LHFPL6: variants seen among roughly 807,000 people sequenced by gnomAD.
The protein encoded by LHFPL6 is LHFPL tetraspan subfamily member 6.
LHFPL6 carries 9 observed loss-of-function variants against 20.6 expected under a neutral mutation model. The observed-to-expected ratio is 0.44, with a 90% CI of 0.26 to 0.76. The LOEUF is 0.76. Ranked by LOEUF, LHFPL6 falls within the 30% of genes least tolerant of loss-of-function variation. The pLI is 0.20. For missense variants in LHFPL6, 218 were observed against 253.5 expected (o/e 0.86, Z 0.95); for synonymous variants, 105 against 98.7 (o/e 1.06, Z -0.38).
intron 2 of LHFPL6, among the ~76,000 whole-genome samples, chr13:39,508,728 C>T (rs562819310): frequency 1.3e-5 from 2 of 152,242 alleles, no homozygotes; most frequent in African/African-American, 4.8e-5. Context: ...TTTATCAGTT[C>T]ACCTACTGAT....
At chr13:39,356,144 A>C (rs978995251) in intron 3 of LHFPL6, among the ~76,000 whole-genome samples, 1 of 152,216 alleles carries the variant, frequency 6.6e-6, no homozygotes, top group Non-Finnish European at 1.5e-5. Flanking sequence ...GTCTCAATAA[A>C]TTTTTAAAAA....
At chr13:39,345,538 A>AAAAAAAAAAAAAAAAAAAAAAAAC (rs1869377161) in intron 3 of LHFPL6, among the ~76,000 whole-genome samples, 1 of 143,678 alleles carries the variant, frequency 7.0e-6, no homozygotes, top group Non-Finnish European at 1.5e-5. Flanking sequence ...AAAAAAAAAA[A>AAAAAAAAAAAAAAAAAAAAAAAAC]AAGAAAGAAA....
At chr13:39,536,113 T>C (rs574129834) in intron 2 of LHFPL6, among the ~76,000 whole-genome samples, 75 of 152,286 alleles carry the variant, frequency 4.9e-4, no homozygotes, top group African/African-American at 1.7e-3. Flanking sequence ...AGCTCCAAGT[T>C]CACAAGCAGC....
intron 3 of LHFPL6, among the ~76,000 whole-genome samples, chr13:39,359,142 C>CA (rs1869810676): frequency 6.6e-6 from 1 of 152,168 alleles, no homozygotes; most frequent in South Asian, 2.1e-4. Context: ...GCCTCGGTAA[C>CA]AGAGTGAGAC....
At chr13:39,362,167 G>A (rs528230046) in intron 3 of LHFPL6, among the ~76,000 whole-genome samples, 1 of 152,364 alleles carries the variant, frequency 6.6e-6, no homozygotes, top group Non-Finnish European at 1.5e-5. Context: ...TGGAGGAGGG[G>A]CCTGGTGGGA....
intron 2 of LHFPL6, among the ~76,000 whole-genome samples, chr13:39,469,203 C>G (rs778614241): frequency 6.6e-6 from 1 of 152,188 alleles, no homozygotes; most frequent in Admixed American, 6.5e-5. Context: ...CTCCCCACCT[C>G]TCTCGCACAC....
chr13:39,383,409 TGTTAA>T (rs1185553228), intron 2 of LHFPL6, among the ~76,000 whole-genome samples: 2 of 152,230 alleles, frequency 1.3e-5, no homozygotes, highest in Non-Finnish European at 2.9e-5. Context: ...TAAGTTTAAA[TGTTAA>T]GTTAATTAAG....
chr13:39,527,776 G>C (rs4325425), intron 2 of LHFPL6, among the ~76,000 whole-genome samples: 125,985 of 152,112 alleles, frequency 0.83, 52,348 homozygotes, highest in Middle Eastern at 0.88. Flanking sequence ...GGCTGGACAA[G>C]GAAAAACTCT....
At chr13:39,423,774 G>T (rs961967063) in intron 2 of LHFPL6, among the ~76,000 whole-genome samples, 9 of 152,178 alleles carry the variant, frequency 5.9e-5, no homozygotes, top group African/African-American at 2.2e-4. Flanking sequence ...GTAGTGCCAG[G>T]GCACACTGGA....
chr13:39,560,504 CTTTTTTTTTT>C (rs376446144), intron 2 of LHFPL6, among the ~76,000 whole-genome samples: 2 of 118,178 alleles, frequency 1.7e-5, no homozygotes, highest in African/African-American at 6.2e-5. Context: ...TGCAAATTCT[CTTTTTTTTTT>C]TTTTTTTTTT....
chr13:39,379,725 A>C (rs1870388984), intron 2 of LHFPL6, among the ~76,000 whole-genome samples: 1 of 152,004 alleles, frequency 6.6e-6, no homozygotes, highest in Admixed American at 6.6e-5. Context: ...GTCCTCAACT[A>C]CCCTGAGGAA....
intron 2 of LHFPL6, among the ~76,000 whole-genome samples, chr13:39,415,716 G>A (rs761738493): frequency 5.3e-5 from 8 of 152,144 alleles, no homozygotes; most frequent in Non-Finnish European, 1.0e-4. Context: ...CTGGATGAAG[G>A]ATTAATAAAT....
At chr13:39,584,597 CCTTT>C (rs1387083549) in intron 2 of LHFPL6, among the ~76,000 whole-genome samples, 1 of 150,304 alleles carries the variant, frequency 6.7e-6, no homozygotes, top group Non-Finnish European at 1.5e-5. Flanking sequence ...AGGGTAACTT[CCTTT>C]AAGACTAGAG....
rs147419324 is a variant in LHFPL6 at position 39,475,275 on chromosome 13, C to A, written c.386-96749G>T. On this transcript the variant is annotated intron_variant, in intron 2 of 3. Coordinates refer to ENST00000379589, the MANE Select transcript of LHFPL6 (RefSeq NM_005780.3). ...CAGGCAGATGTCTGATCATGAAGGC[C>A]TTGCTTATCATGTGTAGATGCTTGT... 1.2e-4 allele frequency among the ~76,000 whole-genome samples: 19 copies of A among 152,234 alleles called. No individual in the cohort carries two copies. In the East Asian group the frequency reaches 2.9e-3, roughly 23 times the overall value.
intron 2 of LHFPL6, among the ~76,000 whole-genome samples, chr13:39,423,629 A>G (rs1871553688): frequency 6.6e-6 from 1 of 152,134 alleles, no homozygotes; most frequent in Non-Finnish European, 1.5e-5. Context: ...TGACACACAA[A>G]GGATACATGA....
chr13:39,439,766 C>T (rs1872062685), intron 2 of LHFPL6, among the ~76,000 whole-genome samples: 1 of 152,124 alleles, frequency 6.6e-6, no homozygotes, highest in Admixed American at 6.5e-5. Flanking sequence ...TCTCTCTCTT[C>T]CTCCTTCTCT....
In LHFPL6 at chr13:39,378,546, G is replaced by C. The variant is rs1870355048; in HGVS notation, c.386-20C>G. The C allele has an allele frequency of 1.9e-6, 3 of 1,590,472 alleles. No individual in the cohort carries two copies. The African/African-American group carries it at 4.0e-5, about 21-fold the overall frequency. On this transcript the variant is annotated intron_variant, in intron 2 of 3. Transcript: ENST00000379589. ...ACAAGCCTGCAAAGAGATAAGACAA[G>C]AGGGCTTTACCAGTGCTTCTCTGCA...
intron 2 of LHFPL6, among the ~76,000 whole-genome samples, chr13:39,418,215 G>T (rs891208311): frequency 5.3e-5 from 8 of 151,998 alleles, no homozygotes; most frequent in Non-Finnish European, 7.3e-5. Flanking sequence ...CAAATTAGCT[G>T]CTAATTCTTT....
intron 3 of LHFPL6, among the ~76,000 whole-genome samples, chr13:39,361,961 G>T (rs79743625): frequency 0.01 from 1,543 of 152,300 alleles, 25 homozygotes; most frequent in African/African-American, 0.035. Flanking sequence ...CCAGTGTGAT[G>T]AAATCAAACA....
Sources: gnomAD v4.1 joint callset for allele counts (sites outside exome capture counted in the v4.1 genomes callset) on GRCh38, gnomAD v4.1.1 for gene constraint, MANE v1.5 for transcripts, NCBI Gene and HGNC (gene_info 2026-07-23, HGNC 2026-07-21) for gene names.